ARHGAP44: variants seen among roughly 807,000 people sequenced by gnomAD.
The protein encoded by ARHGAP44 is rho GTPase-activating protein 44.
Under a neutral mutation model 106.8 loss-of-function variants are expected in ARHGAP44, and 43 were observed. That is an observed-to-expected ratio of 0.40 (90% CI 0.32 to 0.52). The LOEUF is 0.52. Among genes scored for constraint, ARHGAP44 ranks in the 20% least tolerant of loss-of-function variants. The pLI is 0.48. For synonymous variants in ARHGAP44, 439 were observed against 410.3 expected, an observed-to-expected ratio of 1.07 and a Z score of -0.85; for missense variants, 866 against 1,050.5, an observed-to-expected ratio of 0.82 and a Z score of 2.43.
chr17:12,892,700 G>A (rs1183355427), intron 1 of ARHGAP44, among the ~76,000 whole-genome samples: 1 of 151,004 alleles, frequency 6.6e-6, no homozygotes, highest in African/African-American at 2.4e-5. Context: ...TTTTTGCCCT[G>A]TTGTTCAGAT....
At chr17:12,984,386 G>A in intron 19 of ARHGAP44, 145 bp from the exon 20 acceptor site, 1 of 769,546 alleles carries the variant, frequency 1.3e-6, no homozygotes, top group Non-Finnish European at 1.9e-6. Context: ...AAGAGGCCGG[G>A]GGGCAGGGCA....
At chr17:12,939,288 C>T (rs1161240332) in intron 7 of ARHGAP44, among the ~76,000 whole-genome samples, 1 of 151,860 alleles carries the variant, frequency 6.6e-6, no homozygotes, top group Non-Finnish European at 1.5e-5. Flanking sequence ...AGTTGTGGCG[C>T]CCCTACTGTG....
chr17:12,895,079 C>A, intron 2 of ARHGAP44, 100 bp downstream of exon 2: 1 of 1,113,778 alleles, frequency 9.0e-7, no homozygotes, highest in South Asian at 1.4e-5. Flanking sequence ...TGTAGTTAGC[C>A]GGGATCGTGC....
At chr17:12,936,235 G>T (rs1163471062) in intron 7 of ARHGAP44, among the ~76,000 whole-genome samples, 1 of 152,054 alleles carries the variant, frequency 6.6e-6, no homozygotes, top group Non-Finnish European at 1.5e-5. Flanking sequence ...CTACTTAGGG[G>T]TTCACTCCTA....
At position 12,949,505 on chromosome 17, in the gene ARHGAP44, T is replaced by C; in HGVS notation, c.974-144T>C. On this transcript the variant is annotated intron_variant, in intron 11 of 20. Transcript: ENST00000379672. The surrounding 1 kb of genome is among the most constrained non-coding windows in gnomAD (Gnocchi z 4.1). ...GTCCCCTGTCAGAGCCTCATACCCA[T>C]TTCCATAGGAAGCTACCATTTGCTG... 1.3e-6 allele frequency: 1 copy of C among 784,398 alleles called. No homozygotes were observed. Among genetic ancestry groups the C allele is most frequent in the Non-Finnish European group, 2.0e-6 (1 of 490,080 alleles). The allele number at this position is 784,398 out of a possible 1,614,324, so 48.6% of individuals were successfully genotyped here.
intron 4 of ARHGAP44, among the ~76,000 whole-genome samples, chr17:12,914,032 A>G (rs951364670): frequency 6.7e-6 from 1 of 150,196 alleles, no homozygotes; most frequent in Non-Finnish European, 1.5e-5. Flanking sequence ...ACACCTGGGC[A>G]CTGACATTTG....
chr17:12,861,186 C>A (rs540503826), intron 1 of ARHGAP44, among the ~76,000 whole-genome samples: 1 of 151,868 alleles, frequency 6.6e-6, no homozygotes, highest in South Asian at 2.1e-4. Flanking sequence ...GGTGGAGTTC[C>A]GCCATGTTGG....
In ARHGAP44 at chr17:12,974,256, C is replaced by G. The variant is rs2039610597; in HGVS notation, c.1709C>G (p.Ala570Gly). The change falls in exon 18 of 21, where the codon GCC (alanine) becomes GGC (glycine). Residue 570 changes from alanine (A) to glycine (G), a missense_variant. Transcript: ENST00000379672. ...LPEQPLDSPA[A>G]PALSPSGLGL... Reference sequence around the variant, plus strand: ...GAGCAGCCCCTGGACAGCCCCGCGGCCCCCGCGCTCTCTCCATCCGGCCTG... The same window carrying G: ...GAGCAGCCCCTGGACAGCCCCGCGGGCCCCGCGCTCTCTCCATCCGGCCTG... 6.6e-7 allele frequency: 1 copy of G among 1,513,254 alleles called. No homozygotes were observed. The highest frequency in any genetic ancestry group is 8.8e-7 in the Non-Finnish European group (1 of 1,133,138). The allele number at this position is 1,513,254 out of a possible 1,614,324, so 93.7% of individuals were successfully genotyped here. A position where few individuals can be genotyped will look rare whatever the true frequency, so the allele number is the denominator to read the frequency against.
intron 16 of ARHGAP44, among the ~76,000 whole-genome samples, chr17:12,960,817 G>A (rs1293232262): frequency 6.6e-6 from 1 of 151,996 alleles, no homozygotes; most frequent in Non-Finnish European, 1.5e-5. Context: ...TCCCGCCTTG[G>A]CCTCCCAAAG....
At chr17:12,848,941 G>A (rs1307821840) in intron 1 of ARHGAP44, among the ~76,000 whole-genome samples, 1 of 151,860 alleles carries the variant, frequency 6.6e-6, no homozygotes, top group African/African-American at 2.4e-5. Flanking sequence ...CCAGCTACTC[G>A]GGAGGCTGAG....
chr17:12,974,129 A>C lies in ARHGAP44; in HGVS notation c.1582A>C (p.Arg528=), dbSNP rs2039604522. The C allele has an allele frequency of 6.4e-7, 1 of 1,569,796 alleles. No individual in the cohort carries two copies. The highest frequency in any genetic ancestry group is 1.9e-5 in the Admixed American group (1 of 53,542). Residue 528 remains arginine (R), a synonymous_variant, in exon 18 of 21, where the codon AGA becomes CGA. Coordinates refer to ENST00000379672, the MANE Select transcript of ARHGAP44 (RefSeq NM_014859.6). ...CATGGACACAAACTGGGTGGCTCGA[A>C]GAGGCTCCTCGGCCGGTCGGAAAGT... The part of the protein sequence containing the change: ...RVMDTNWVAR[R]GSSAGRKVSC...
In ARHGAP44 at chr17:12,990,088, C is replaced by T. The variant is rs772058409; in HGVS notation, c.2374C>T (p.Leu792=). 2 of 1,613,214 alleles carry T rather than the reference C, an allele frequency of 1.2e-6. No individual in the cohort carries two copies. The highest frequency in any genetic ancestry group is 1.7e-6 in the Non-Finnish European group (2 of 1,179,438). The change falls in exon 21 of 21, where the codon CTG becomes TTG. Residue 792 remains leucine (L), a synonymous_variant. Coordinates refer to ENST00000379672, the MANE Select transcript of ARHGAP44 (RefSeq NM_014859.6). ...CATAGAGCTCGGGTCGACGCTCCGC[C>T]TGAGTCCCCTGGAGCACATGCGGCG... ...IHIELGSTLR[L]SPLEHMRRHS...
At chr17:12,941,449 G>T (rs1598091161) in intron 8 of ARHGAP44, among the ~76,000 whole-genome samples, 1 of 152,124 alleles carries the variant, frequency 6.6e-6, no homozygotes, top group East Asian at 1.9e-4. Context: ...GGTGCTACTG[G>T]CATTTAGAGG....
intron 1 of ARHGAP44, among the ~76,000 whole-genome samples, chr17:12,827,217 A>G (rs1014098945): frequency 2.5e-4 from 38 of 152,012 alleles, no homozygotes; most frequent in Non-Finnish European, 5.9e-5. Flanking sequence ...TAAAATATGT[A>G]TTGTTGTTTT....
chr17:12,969,772 T>G (rs11867637), intron 16 of ARHGAP44, among the ~76,000 whole-genome samples: 10,765 of 152,214 alleles, frequency 0.071, 1,247 homozygotes, highest in African/African-American at 0.24. Flanking sequence ...TGCCACCAGG[T>G]CATGGTGCAA....
intron 1 of ARHGAP44, among the ~76,000 whole-genome samples, chr17:12,813,856 C>T (rs1338879267): frequency 2.0e-5 from 3 of 152,154 alleles, no homozygotes; most frequent in Non-Finnish European, 2.9e-5. Flanking sequence ...TGGCATTTCT[C>T]CTGGCTCACG....
At chr17:12,915,569 T>A (rs1247077921) in intron 4 of ARHGAP44, among the ~76,000 whole-genome samples, 1 of 152,232 alleles carries the variant, frequency 6.6e-6, no homozygotes, top group African/African-American at 2.4e-5. Context: ...AGATGATGTT[T>A]TTTTAGCGGG....
chr17:12,917,051 C>T (rs1286661792), intron 5 of ARHGAP44, among the ~76,000 whole-genome samples: 1 of 152,174 alleles, frequency 6.6e-6, no homozygotes, highest in Non-Finnish European at 1.5e-5. Context: ...ATCCCAAAAA[C>T]TCCCAATCCC....
intron 9 of ARHGAP44, 45 bp downstream of exon 9, chr17:12,943,714 C>A: frequency 6.3e-7 from 1 of 1,583,310 alleles, no homozygotes; most frequent in Non-Finnish European, 8.7e-7. Flanking sequence ...GGGGTGCCTG[C>A]TTGCCTTCCC....
Sources: allele counts gnomAD v4.1 joint callset (sites outside exome capture counted in the v4.1 genomes callset), GRCh38; gene constraint gnomAD v4.1.1; non-coding constraint Gnocchi (gnomAD v3.1); transcripts MANE v1.5; gene names NCBI Gene and HGNC (gene_info 2026-07-23, HGNC 2026-07-21).